PRR14L: variants seen among roughly 807,000 people sequenced by gnomAD.
PRR14L encodes proline rich 14 like.
Under a neutral mutation model 155.0 loss-of-function variants are expected in PRR14L, and 80 were observed. The observed-to-expected ratio is 0.52, with a 90% confidence interval of 0.43 to 0.62. The LOEUF is 0.62. PRR14L is among the 20% of genes least tolerant of loss of function. PRR14L has a pLI of 0.00. For missense variants in PRR14L, 2,469 were observed against 2,548.0 expected, an observed-to-expected ratio of 0.97 and a Z score of 0.67; for synonymous variants, 883 against 916.0, an observed-to-expected ratio of 0.96 and a Z score of 0.65.
chr22:31,682,773 T>A lies in PRR14L; in HGVS notation c.*2754A>T, dbSNP rs774449269. On this transcript the variant is annotated 3_prime_UTR_variant, in exon 9 of 9. Coordinates refer to ENST00000327423, the MANE Select transcript of PRR14L (RefSeq NM_173566.3). ...CACCACTTGGGGAGGGAAGTTCCCA[T>A]ACTCAGAAACTGTACCAACTCCACC... The A allele has an allele frequency of 6.6e-6, 1 of 152,038 alleles. No homozygotes were observed. Among genetic ancestry groups the A allele is most frequent in the Non-Finnish European group, 1.5e-5 (1 of 68,002 alleles). The allele number at this position is 152,038 out of a possible 1,614,324, so 9.4% of individuals were successfully genotyped here.
chr22:31,707,035 G>C (rs531905997), intron 4 of PRR14L, among the ~76,000 whole-genome samples: 1 of 151,632 alleles, frequency 6.6e-6, no homozygotes, highest in Non-Finnish European at 1.5e-5. Flanking sequence ...GGAGACAAGA[G>C]TGAAACTCTG....
At chr22:31,740,667 T>G (rs531344587) in intron 1 of PRR14L, among the ~76,000 whole-genome samples, 1 of 152,220 alleles carries the variant, frequency 6.6e-6, no homozygotes, top group African/African-American at 2.4e-5. Context: ...GACCCACACT[T>G]TCATTCTTGA....
At chr22:31,722,545 C>T (rs1165213866) in intron 3 of PRR14L, among the ~76,000 whole-genome samples, 3 of 139,630 alleles carry the variant, frequency 2.1e-5, no homozygotes, top group African/African-American at 2.7e-5. Flanking sequence ...TTTTTTGAGA[C>T]GGAGTCTTGC....
chr22:31,722,389 C>T (rs1346231541), intron 3 of PRR14L, among the ~76,000 whole-genome samples: 1 of 147,192 alleles, frequency 6.8e-6, no homozygotes, highest in Non-Finnish European at 1.5e-5. Context: ...AAGATCGTGC[C>T]ACTGCACTCC....
At chr22:31,711,419 C>T (rs752782092) in intron 4 of PRR14L, among the ~76,000 whole-genome samples, 11 of 151,844 alleles carry the variant, frequency 7.2e-5, no homozygotes, top group Non-Finnish European at 1.3e-4. Flanking sequence ...TGTGGTCAGC[C>T]GAGATTGCGC....
At chr22:31,732,106 A>C (rs898163550) in intron 2 of PRR14L, among the ~76,000 whole-genome samples, 1 of 152,160 alleles carries the variant, frequency 6.6e-6, no homozygotes, top group Non-Finnish European at 1.5e-5. Context: ...TTTCTGGTTT[A>C]TCCTTCCCAT....
In PRR14L at chr22:31,713,951, G is replaced by A; in HGVS notation, c.3888C>T (p.Asp1296=). 6.4e-7 allele frequency: 1 copy of A among 1,551,744 alleles called. No homozygotes were observed. The highest frequency in any genetic ancestry group is 8.7e-7 in the Non-Finnish European group (1 of 1,146,984). ...IVSRDWSNSS[D]RDSVCTCVEK... The stretch of plus-strand genomic sequence containing the variant: ...CCACACAGGTACATACGCTGTCTCT[G>A]TCACTAGAATTACTCCAATCTCTTG... Residue 1296 remains aspartate (D), a synonymous_variant, in exon 4 of 9, where the codon GAC becomes GAT. Coordinates refer to ENST00000327423, the MANE Select transcript of PRR14L (RefSeq NM_173566.3).
Position 31,712,757 on chromosome 22 carries a change from T to A in PRR14L, c.5082A>T (p.Glu1694Asp). 6.4e-7 allele frequency: 1 copy of A among 1,551,848 alleles called. No homozygotes were observed. Among genetic ancestry groups the A allele is most frequent in the Non-Finnish European group, 8.7e-7 (1 of 1,147,034 alleles). ...NSKPMALYSL[E>D]SIKMTFIDLS... ...AATCTATGAAGGTCATCTTGATGGA[T>A]TCGAGAGAATAAAGTGCCATGGGCT... The change falls in exon 4 of 9, where the codon GAA becomes GAT. Residue 1694 changes from glutamate (E) to aspartate (D), a missense_variant. Glu to Asp is a conservative substitution (Grantham distance 45, BLOSUM62 2). Coordinates refer to ENST00000327423, the MANE Select transcript of PRR14L (RefSeq NM_173566.3).
intron 2 of PRR14L, among the ~76,000 whole-genome samples, chr22:31,736,379 T>G (rs1225349980): frequency 4.1e-5 from 6 of 146,040 alleles, no homozygotes; most frequent in African/African-American, 1.3e-4. Flanking sequence ...AGAGCGAAAC[T>G]CTGTCTCAAA....
chr22:31,698,599 C>T (rs1220884480), intron 7 of PRR14L, among the ~76,000 whole-genome samples: 5 of 151,266 alleles, frequency 3.3e-5, no homozygotes, highest in African/African-American at 4.9e-5. Context: ...CTGATTTTTA[C>T]AATAATTCTG....
rs1007395204 is a variant in PRR14L at position 31,714,334 on chromosome 22, A to G, written c.3505T>C (p.Leu1169=). The stretch of plus-strand genomic sequence containing the variant: ...TTTAAAGACAAATTTACTCTGCCCA[A>G]TATTCTTTTATTTGGTTCATGATCT... The part of the protein sequence containing the change: ...VADHEPNKRI[L]GRVNLSLNDS... Residue 1169 remains leucine, a synonymous_variant, in exon 4 of 9, where the codon TTG becomes CTG. Coordinates refer to ENST00000327423, the MANE Select transcript of PRR14L (RefSeq NM_173566.3). 8.4e-6 allele frequency: 13 copies of G among 1,551,460 alleles called. No individual in the cohort carries two copies. The highest frequency in any genetic ancestry group is 1.0e-5 in the Non-Finnish European group (12 of 1,146,962).
intron 7 of PRR14L, among the ~76,000 whole-genome samples, chr22:31,691,432 G>A (rs541849647): frequency 6.6e-6 from 1 of 152,140 alleles, no homozygotes; most frequent in East Asian, 1.9e-4. Flanking sequence ...TGTTGCCCAG[G>A]CTGGTATCAG....
chr22:31,721,872 T>C (rs1187229975), intron 3 of PRR14L, among the ~76,000 whole-genome samples: 1 of 152,160 alleles, frequency 6.6e-6, no homozygotes, highest in Admixed American at 6.6e-5. Context: ...AATTTGATAG[T>C]ACTGACAGTG....
intron 4 of PRR14L, among the ~76,000 whole-genome samples, chr22:31,710,389 ATT>A (rs1189702519): frequency 1.3e-5 from 2 of 152,230 alleles, no homozygotes; most frequent in East Asian, 1.9e-4. Flanking sequence ...ATTAAAAAAT[ATT>A]TTGTTTACTT....
At chr22:31,734,997 TTC>T (rs1356500759) in intron 2 of PRR14L, among the ~76,000 whole-genome samples, 20 of 152,242 alleles carry the variant, frequency 1.3e-4, no homozygotes, top group East Asian at 5.8e-4. Flanking sequence ...CCGTAAGTAT[TTC>T]TGTTTCTTTT....
chr22:31,744,745 C>T (rs1320337720), intron 1 of PRR14L, among the ~76,000 whole-genome samples: 1 of 152,192 alleles, frequency 6.6e-6, no homozygotes, highest in Non-Finnish European at 1.5e-5. Context: ...TATTCATTTC[C>T]ATCCCCACAG....
At chr22:31,710,647 G>A (rs1178331638) in intron 4 of PRR14L, among the ~76,000 whole-genome samples, 1 of 151,782 alleles carries the variant, frequency 6.6e-6, no homozygotes, top group Non-Finnish European at 1.5e-5. Context: ...GTAGAAACGG[G>A]GTTTCACGGT....
chr22:31,697,291 T>A (rs2074539806), intron 7 of PRR14L, among the ~76,000 whole-genome samples: 1 of 129,502 alleles, frequency 7.7e-6, no homozygotes. Flanking sequence ...GGCACAGTGA[T>A]ACTCTGTCTC....
At chr22:31,741,687 T>C (rs937865475) in intron 1 of PRR14L, among the ~76,000 whole-genome samples, 6 of 151,794 alleles carry the variant, frequency 4.0e-5, no homozygotes, top group African/African-American at 1.2e-4. Context: ...ACCTGGCCGA[T>C]ATGGTGAAAC....
Sources: gnomAD v4.1 joint callset for allele counts (sites outside exome capture counted in the v4.1 genomes callset) on GRCh38, gnomAD v4.1.1 for gene constraint, MANE v1.5 for transcripts, NCBI Gene and HGNC (gene_info 2026-07-23, HGNC 2026-07-21) for gene names.